ACYP2: variants seen among roughly 807,000 people sequenced by gnomAD.
The protein encoded by ACYP2 is acylphosphatase 2.
Under a neutral mutation model 11.2 loss-of-function variants are expected in ACYP2, and 12 were observed. The ratio of observed to expected loss-of-function variants is 1.08; its 90% CI spans 0.69 to 1.74. The LOEUF is 1.74. Ranked by LOEUF, ACYP2 falls within the 40% of genes most tolerant of loss-of-function variation. The pLI is 0.00. For missense variants in ACYP2, 134 were observed against 101.9 expected, an observed-to-expected ratio of 1.31 and a Z score of -1.35; for synonymous variants, 43 against 32.2, an observed-to-expected ratio of 1.33 and a Z score of -1.13.
intron 6 of ACYP2, among the ~76,000 whole-genome samples, chr2:54,286,139 G>A (rs950124227): frequency 3.9e-5 from 6 of 152,072 alleles, no homozygotes; most frequent in Non-Finnish European, 8.8e-5. Context: ...AGGGCCAGGC[G>A]CAGTGGCCTT....
At chr2:54,203,403 T>C (rs1572930809) in intron 6 of ACYP2, among the ~76,000 whole-genome samples, 2 of 152,058 alleles carry the variant, frequency 1.3e-5, no homozygotes, top group Non-Finnish European at 2.9e-5. Flanking sequence ...GATCATGTCA[T>C]ATGCAAATAG....
At chr2:54,205,246 C>T (rs1558612266) in intron 6 of ACYP2, among the ~76,000 whole-genome samples, 1 of 152,120 alleles carries the variant, frequency 6.6e-6, no homozygotes, top group Non-Finnish European at 1.5e-5. Context: ...GCCAGTAACC[C>T]ATGGGAGCTG....
In ACYP2 at chr2:54,225,617, T is replaced by G. The variant is rs1240073038; in HGVS notation, c.405-79071T>G. Among the ~76,000 whole-genome samples the G allele has an allele frequency of 3.9e-5, 6 of 152,160 alleles. No individual in the cohort carries two copies. The East Asian group carries it at 9.6e-4, about 24-fold the overall frequency. On this transcript the variant is annotated intron_variant, in intron 6 of 6. Transcript: ENST00000607452. ...TGCAACACTAACTCTTTGGATGTCA[T>G]TTTTAACTTCGTCTTTTGTATTCAA...
intron 6 of ACYP2, among the ~76,000 whole-genome samples, chr2:54,148,340 T>G (rs1681992488): frequency 6.6e-6 from 1 of 152,222 alleles, no homozygotes; most frequent in Non-Finnish European, 1.5e-5. Context: ...TCTTTCATAT[T>G]TTGATGCTAT....
intron 2 of ACYP2, among the ~76,000 whole-genome samples, chr2:53,977,204 C>T (rs148743014): frequency 1.3e-5 from 2 of 152,008 alleles, no homozygotes; most frequent in African/African-American, 2.4e-5. Flanking sequence ...CCCGCCATCA[C>T]GCCCAGCTAA....
At chr2:54,098,759 C>G (rs993247386) in intron 4 of ACYP2, among the ~76,000 whole-genome samples, 1 of 148,484 alleles carries the variant, frequency 6.7e-6, no homozygotes, top group Non-Finnish European at 1.5e-5. Context: ...GACAGGGTCT[C>G]ACTCTGTCAC....
At chr2:54,086,469 G>A (rs575706759) in intron 4 of ACYP2, among the ~76,000 whole-genome samples, 2 of 152,214 alleles carry the variant, frequency 1.3e-5, no homozygotes, top group South Asian at 4.1e-4. Flanking sequence ...GCGGGTGTGG[G>A]AAGTGGGTAG....
intron 3 of ACYP2, among the ~76,000 whole-genome samples, chr2:54,055,119 C>G (rs1676048749): frequency 6.6e-6 from 1 of 152,108 alleles, no homozygotes; most frequent in South Asian, 2.1e-4. Context: ...TCACTGCACC[C>G]TCCACCTCCC....
intron 6 of ACYP2, among the ~76,000 whole-genome samples, chr2:54,265,688 T>C (rs1558655144): frequency 1.3e-5 from 2 of 152,192 alleles, no homozygotes; most frequent in African/African-American, 2.4e-5. Context: ...ATTAAATAAG[T>C]TGAAATGTAG....
intron 4 of ACYP2, among the ~76,000 whole-genome samples, chr2:54,078,032 C>G (rs999854903): frequency 6.6e-6 from 1 of 150,814 alleles, no homozygotes; most frequent in African/African-American, 2.4e-5. Flanking sequence ...TGCAATGGCA[C>G]TGTCTCTGCT....
chr2:54,133,911 T>A (rs1403005957), intron 4 of ACYP2, among the ~76,000 whole-genome samples: 2 of 152,196 alleles, frequency 1.3e-5, no homozygotes, highest in Non-Finnish European at 2.9e-5. Flanking sequence ...ATTCTTGACC[T>A]CTGTCTGAGA....
intron 6 of ACYP2, among the ~76,000 whole-genome samples, chr2:54,232,412 C>T (rs1351091773): frequency 2.0e-5 from 3 of 152,176 alleles, no homozygotes; most frequent in East Asian, 3.9e-4. Context: ...CTGGCTTATC[C>T]CTGCTCTTCC....
chr2:54,218,116 C>G (rs151077086), intron 6 of ACYP2, among the ~76,000 whole-genome samples: 1 of 152,138 alleles, frequency 6.6e-6, no homozygotes, highest in Non-Finnish European at 1.5e-5. Flanking sequence ...ACAAGTGTAC[C>G]TTCTGCATGA....
intron 6 of ACYP2, among the ~76,000 whole-genome samples, chr2:54,276,619 T>TCA (rs3071186): frequency 0.17 from 24,723 of 145,726 alleles, 2,168 homozygotes; most frequent in South Asian, 0.23. Context: ...GATTGTTCTT[T>TCA]CACACACACA....
At chr2:54,277,981 T>A (rs952448104) in intron 6 of ACYP2, among the ~76,000 whole-genome samples, 4 of 152,104 alleles carry the variant, frequency 2.6e-5, no homozygotes, top group African/African-American at 9.7e-5. Context: ...TTAATTTATT[T>A]ATTTATGTAT....
rs568020355 is a variant in ACYP2, at chr2:54,098,039, T to C, written c.278-37414T>C. Reference sequence around the variant, plus strand: ...GTGCAGTGGTGTGATCTTAGCTCACTGCAATCTCCACTTCCCAGGTTCAAG... The same window carrying C: ...GTGCAGTGGTGTGATCTTAGCTCACCGCAATCTCCACTTCCCAGGTTCAAG... On this transcript the variant is annotated intron_variant, in intron 4 of 6. Transcript: ENST00000607452. Among the ~76,000 whole-genome samples the C allele has an allele frequency of 1.2e-3, 184 of 150,508 alleles. 1 individual carries two copies. Among genetic ancestry groups the C allele is most frequent in the Middle Eastern group, 6.8e-3 (2 of 294 alleles).
chr2:54,140,530 A>T (rs79440742), intron 6 of ACYP2, among the ~76,000 whole-genome samples: 301 of 30,098 alleles, frequency 0.01, 2 homozygotes, highest in African/African-American at 0.041. Flanking sequence ...TCTCTCTCTC[A>T]CACACACACA....
intron 6 of ACYP2, among the ~76,000 whole-genome samples, chr2:54,212,107 G>A (rs936040881): frequency 3.3e-5 from 5 of 152,202 alleles, no homozygotes; most frequent in Admixed American, 3.3e-4. Flanking sequence ...TGGCGTGGCA[G>A]TGTTAGTTTT....
chr2:54,015,567 G>A lies in ACYP2; in HGVS notation c.63-35391G>A, dbSNP rs186832225. Among the ~76,000 whole-genome samples the A allele has an allele frequency of 8.3e-4, 126 of 151,858 alleles. 1 individual carries two copies. The highest frequency in any genetic ancestry group is 3.0e-3 in the African/African-American group (123 of 41,414). Reference sequence around the variant, plus strand: ...CCTGAGGCTGAGGTAAGGATCACCTGAGCCTGGGGAGGTGGAGGATTCAGC... The same window carrying A: ...CCTGAGGCTGAGGTAAGGATCACCTAAGCCTGGGGAGGTGGAGGATTCAGC... On this transcript the variant is annotated intron_variant, in intron 2 of 6. Coordinates refer to ENST00000607452, the MANE Select transcript of ACYP2 (RefSeq NM_001320586.2).
Sources: allele counts gnomAD v4.1 joint callset (sites outside exome capture counted in the v4.1 genomes callset), GRCh38; gene constraint gnomAD v4.1.1; transcripts MANE v1.5; gene names NCBI Gene and HGNC (gene_info 2026-07-23, HGNC 2026-07-21).